Variants in HDAC7 observed in about 807,000 individuals in gnomAD.
HDAC7 encodes histone deacetylase 7A.
HDAC7 carries 26 observed loss-of-function variants against 115.5 expected under a neutral mutation model. The observed-to-expected ratio is 0.23, with a 90% CI of 0.16 to 0.31. HDAC7 has a LOEUF of 0.31. HDAC7 is among the 10% of genes least tolerant of loss of function. HDAC7 has a pLI of 1.00. For synonymous variants in HDAC7, 564 were observed against 550.9 expected (o/e 1.02, Z -0.33); for missense variants, 1,068 against 1,329.0 (o/e 0.80, Z 3.05).
chr12:47,791,801 G>GCCCCCCCCCCCCCCCCCCCCC, intron 14 of HDAC7, 70 bp downstream of exon 14: 3 of 1,511,072 alleles, frequency 2.0e-6, no homozygotes, highest in Non-Finnish European at 2.7e-6. Context: ...GGGCCCCAGG[G>GCCCCCCCCCCCCCCCCCCCCC]CCCCCCACCC....
chr12:47,796,426 CT>C (rs35550737), intron 7 of HDAC7, 128 bp from the exon 8 acceptor site: 51,724 of 447,320 alleles, frequency 0.12, no homozygotes, highest in East Asian at 0.21. Flanking sequence ...TTCCTGCTTT[CT>C]TTTTTTTTTT....
At chr12:47,802,033 C>T (rs1482684879) in intron 2 of HDAC7, among the ~76,000 whole-genome samples, 191 bp downstream of exon 2, 1 of 152,212 alleles carries the variant, frequency 6.6e-6, no homozygotes, top group Non-Finnish European at 1.5e-5. Flanking sequence ...TAGCACTGTG[C>T]CCAGCCAGCA....
intron 1 of HDAC7, among the ~76,000 whole-genome samples, chr12:47,804,592 T>C (rs1337660702): frequency 6.6e-6 from 1 of 152,120 alleles, no homozygotes; most frequent in Non-Finnish European, 1.5e-5. Flanking sequence ...ACAGGGCTCT[T>C]TGCCAGGTTG....
chr12:47,810,854 A>G (rs796285468), intron 1 of HDAC7, among the ~76,000 whole-genome samples: 200 of 112,070 alleles, frequency 1.8e-3, no homozygotes, highest in African/African-American at 6.6e-3. Flanking sequence ...CTCTATCTCT[A>G]TCTCTGTCTC....
intron 15 of HDAC7, 101 bp from the exon 16 acceptor site, chr12:47,791,409 G>A (rs56047798): frequency 1.4e-6 from 2 of 1,393,864 alleles, no homozygotes; most frequent in Non-Finnish European, 1.9e-6. Flanking sequence ...AGTATTGGGG[G>A]AGAGAAATAT....
rs139273441 is a variant in HDAC7, at chr12:47,794,510, G to A, written c.1458+250C>T. ...TCCAGGAAAGGACAGACTCCTTCCT[G>A]GAAAAGGGACATGCTTCACCTGAGA... On this transcript the variant is annotated intron_variant, in intron 12 of 25. Transcript: ENST00000080059. Among the ~76,000 whole-genome samples, 171 of 152,336 alleles carry A rather than the reference G, an allele frequency of 1.1e-3. No individual in the cohort carries two copies. The Middle Eastern group carries it at 0.017, about 15-fold the overall frequency.
At chr12:47,806,929 ATCTC>A (rs769602288) in intron 1 of HDAC7, among the ~76,000 whole-genome samples, 12 of 144,462 alleles carry the variant, frequency 8.3e-5, no homozygotes, top group East Asian at 2.0e-4. Flanking sequence ...CCCCTGCCCC[ATCTC>A]TCTCTCTCTC....
At chr12:47,804,344 C>A (rs1156877350) in intron 1 of HDAC7, among the ~76,000 whole-genome samples, 1 of 152,068 alleles carries the variant, frequency 6.6e-6, no homozygotes, top group Non-Finnish European at 1.5e-5. Flanking sequence ...GAGATTAAGA[C>A]CCAGGAACAG....
At chr12:47,814,954 C>A (rs1592072306) in intron 1 of HDAC7, among the ~76,000 whole-genome samples, 1 of 152,224 alleles carries the variant, frequency 6.6e-6, no homozygotes, top group South Asian at 2.1e-4. Flanking sequence ...CATACTCATT[C>A]CTTTACTTGC....
chr12:47,789,160 G>T (rs1386860553), intron 19 of HDAC7, 101 bp downstream of exon 19: 2 of 892,848 alleles, frequency 2.2e-6, no homozygotes, highest in African/African-American at 1.7e-5. Context: ...GCTCAGAGAG[G>T]CTACTGCAGA....
intron 22 of HDAC7, among the ~76,000 whole-genome samples, chr12:47,786,213 C>G (rs1036706172): frequency 6.6e-6 from 1 of 152,168 alleles, no homozygotes; most frequent in African/African-American, 2.4e-5. Context: ...GGCCCTGTGG[C>G]CACCCTCTAT....
At chr12:47,794,712 A>C (rs1943709906) in intron 12 of HDAC7, 48 bp downstream of exon 12, 1 of 1,496,382 alleles carries the variant, frequency 6.7e-7, no homozygotes, top group Non-Finnish European at 8.9e-7. Flanking sequence ...GCCAGGCCCC[A>C]GAGTCTTCTG....
Position 47,791,268 on chromosome 12 carries a change from A to G in HDAC7, c.1974T>C (p.Gly658=). ...AQRMFVMLPC[G]GVGVDTDTIW... The stretch of plus-strand genomic sequence containing the variant: ...CCCTGGGCACACTTACCCCAACCCC[A>G]CCACAGGGCAGCATCACAAACATCC... Residue 658 remains glycine, a synonymous_variant, in exon 16 of 26, where the codon GGT becomes GGC. Transcript: ENST00000080059. 6.2e-7 allele frequency: 1 copy of G among 1,600,802 alleles called. No homozygotes were observed. Among genetic ancestry groups the G allele is most frequent in the Non-Finnish European group, 8.5e-7 (1 of 1,173,960 alleles).
Position 47,797,376 on chromosome 12 carries a change from CA to C in HDAC7, c.577+7del. On this transcript the variant is annotated splice_region_variant and intron_variant, in intron 6 of 25. Transcript: ENST00000080059. This position sits in a 1 kb window ranked among gnomAD's most constrained non-coding sequence, Gnocchi z 5.5. Reference sequence around the variant, plus strand: ...TGCCTGAAAGGTCCGCCTGTTTGTTCAGCTCACCTGTCTTGCGCAGAGGGAA... The same window carrying C: ...TGCCTGAAAGGTCCGCCTGTTTGTTCGCTCACCTGTCTTGCGCAGAGGGAA... The C allele has an allele frequency of 6.3e-7, 1 of 1,594,266 alleles. No homozygotes were observed. Among genetic ancestry groups the C allele is most frequent in the Non-Finnish European group, 8.6e-7 (1 of 1,167,762 alleles).
At chr12:47,821,083 G>A (rs1323906993), upstream of HDAC7, among the ~76,000 whole-genome samples, 1 of 152,128 alleles carries the variant, frequency 6.6e-6, no homozygotes, top group Non-Finnish European at 1.5e-5. Context: ...AGCGTGAGGC[G>A]CCACCATTGT....
Position 47,788,106 on chromosome 12 carries a change from T to C in HDAC7, c.2294A>G (p.Tyr765Cys). Reference sequence around the variant, plus strand: ...GTCGTCATGGCGATGCAGGGAGATGTAGAGCACACTGGGGTCTTGGTAGAA... The same window carrying C: ...GTCGTCATGGCGATGCAGGGAGATGCAGAGCACACTGGGGTCTTGGTAGAA... ...QTFYQDPSVL[Y>C]ISLHRHDDGN... is the part of the protein sequence containing the mutation. Residue 765 changes from tyrosine to cysteine, a missense_variant, in exon 20 of 26, where the codon TAC becomes TGC. Physicochemically the swap from Tyr to Cys is radical, Grantham distance 194 (BLOSUM62 -2). This residue lies in a region of HDAC7 where 182 missense variants were observed against 301.1 expected (regional missense o/e 0.60). Coordinates refer to ENST00000080059, the MANE Select transcript of HDAC7 (RefSeq NM_015401.5). 6.2e-7 allele frequency: 1 copy of C among 1,613,748 alleles called. No individual in the cohort carries two copies. The highest frequency in any genetic ancestry group is 8.5e-7 in the Non-Finnish European group (1 of 1,179,826).
rs1279208098 is a variant in HDAC7 at position 47,793,370 on chromosome 12, T to C, written c.1677A>G (p.Thr559=). 3 of 1,147,800 alleles carry C rather than the reference T, an allele frequency of 2.6e-6. No individual in the cohort carries two copies. The highest frequency in any genetic ancestry group is 1.0e-4 in the East Asian group (2 of 19,250). The allele number at this position is 1,147,800 out of a possible 1,614,324, so 71.1% of individuals were successfully genotyped here. A position where few individuals can be genotyped will look rare whatever the true frequency, so the allele number is the denominator to read the frequency against. The change falls in exon 13 of 26, where the codon ACA becomes ACG. Residue 559 remains threonine (T), a splice_region_variant and synonymous_variant. Coordinates refer to ENST00000080059, the MANE Select transcript of HDAC7 (RefSeq NM_015401.5). The surrounding 1 kb of genome is among the most constrained non-coding windows in gnomAD (Gnocchi z 4.5). ...ETPARTLPFT[T]GLIYDSVMLK... is the part of the protein sequence containing the mutation. ...CCGCCACCCTCCTCCCGGTCTCACC[T>C]GTGGTGAAGGGCAGGGTCCTGGCAG...
chr12:47,801,761 A>C (rs111875697), intron 2 of HDAC7, among the ~76,000 whole-genome samples: 1 of 152,186 alleles, frequency 6.6e-6, no homozygotes, highest in East Asian at 1.9e-4. Context: ...GCAGCAGAGG[A>C]GGCTCGGGCC....
At chr12:47,790,176 C>A (rs1943406682) in intron 16 of HDAC7, 1 of 497,884 alleles carries the variant, frequency 2.0e-6, no homozygotes, top group East Asian at 3.5e-5. Flanking sequence ...ACGCCTGCCT[C>A]CCCGGTCAGG....
Sources: gnomAD v4.1 joint callset for allele counts (sites outside exome capture counted in the v4.1 genomes callset) on GRCh38, gnomAD v4.1.1 for gene constraint, gnomAD v4.1.1 regional missense constraint, Gnocchi (gnomAD v3.1) non-coding constraint, MANE v1.5 for transcripts, NCBI Gene and HGNC (gene_info 2026-07-23, HGNC 2026-07-21) for gene names.